The following FOXN3 variants were observed in gnomAD, a reference collection of about 807,000 sequenced individuals.
FOXN3 encodes the protein forkhead box protein N3.
A neutral mutation model predicts 38.4 loss-of-function variants in FOXN3; 7 were observed. The ratio of observed to expected loss-of-function variants is 0.18; its 90% confidence interval spans 0.10 to 0.34. The LOEUF (loss-of-function observed/expected upper bound fraction) is 0.34. Among genes scored for constraint, FOXN3 ranks in the 10% least tolerant of loss-of-function variants. The probability of loss-of-function intolerance (pLI) is 1.00; values close to 1 mark genes in which losing one functional copy is unlikely to be tolerated. For missense variants in FOXN3, 456 were observed against 613.4 expected, an observed-to-expected ratio of 0.74 and a Z score of 2.71; for synonymous variants, 230 against 242.2, an observed-to-expected ratio of 0.95 and a Z score of 0.47.
At chr14:89,544,163 T>A (rs1025512177) in intron 1 of FOXN3, among the ~76,000 whole-genome samples, 1 of 151,988 alleles carries the variant, frequency 6.6e-6, no homozygotes, top group African/African-American at 2.4e-5. Context: ...TGCCTCAGCA[T>A]CCCAAGTAGC....
chr14:89,475,620 A>G (rs58821463), intron 1 of FOXN3, among the ~76,000 whole-genome samples: 3,040 of 152,294 alleles, frequency 0.02, 95 homozygotes, highest in African/African-American at 0.069. Context: ...GCACCACAGC[A>G]CTCCAGCCTG....
intron 3 of FOXN3, among the ~76,000 whole-genome samples, chr14:89,303,683 CTG>C (rs1301790259): frequency 2.6e-5 from 4 of 152,150 alleles, no homozygotes; most frequent in African/African-American, 9.7e-5. Flanking sequence ...CCGTTTCCTG[CTG>C]TCTCTTGAGT....
chr14:89,524,502 G>C (rs928697593), intron 1 of FOXN3, among the ~76,000 whole-genome samples: 4 of 122,936 alleles, frequency 3.3e-5, no homozygotes, highest in African/African-American at 1.1e-4. Flanking sequence ...AACAAAATTA[G>C]GGAAAAAAAT....
intron 2 of FOXN3, among the ~76,000 whole-genome samples, chr14:89,393,622 C>T (rs1039852818): frequency 6.6e-6 from 1 of 152,188 alleles, no homozygotes; most frequent in Non-Finnish European, 1.5e-5. Flanking sequence ...CCAGGGTATA[C>T]AAATGGCACA....
At chr14:89,214,453 A>G (rs538261687) in intron 4 of FOXN3, among the ~76,000 whole-genome samples, 16 of 152,338 alleles carry the variant, frequency 1.1e-4, no homozygotes, top group Admixed American at 8.5e-4. Flanking sequence ...CCGACAACTT[A>G]ACAGCAAACA....
chr14:89,461,038 AG>A (rs1329460625), intron 1 of FOXN3, among the ~76,000 whole-genome samples: 2,984 of 88,732 alleles, frequency 0.034, 30 homozygotes, highest in Middle Eastern at 0.078. Flanking sequence ...TAAAAAAAAA[AG>A]GGGGGGGGAG....
chr14:89,383,853 G>A (rs995837578), intron 2 of FOXN3, among the ~76,000 whole-genome samples: 31 of 151,120 alleles, frequency 2.1e-4, no homozygotes, highest in Middle Eastern at 3.4e-3. Context: ...GCAATGGTGC[G>A]ATCTCAGCTG....
At position 89,611,598 on chromosome 14, in the gene FOXN3, A is replaced by T. The variant is rs538527899; in HGVS notation, c.-15+7430T>A. Reference sequence around the variant, plus strand: ...AAGGCGGGCGGATCACAAGGTCAGGAGATCGAGACCATCCTGGTTAACACG... The same window carrying T: ...AAGGCGGGCGGATCACAAGGTCAGGTGATCGAGACCATCCTGGTTAACACG... On this transcript the variant is annotated intron_variant, in intron 1 of 6. Transcript: ENST00000345097. 1.2e-3 allele frequency among the ~76,000 whole-genome samples: 187 copies of T among 152,252 alleles called. 1 individual carries two copies. Among genetic ancestry groups the T allele is most frequent in the African/African-American group, 4.4e-3 (182 of 41,534 alleles).
At chr14:89,477,193 A>G (rs1430140733) in intron 1 of FOXN3, among the ~76,000 whole-genome samples, 1 of 151,964 alleles carries the variant, frequency 6.6e-6, no homozygotes, top group East Asian at 1.9e-4. Context: ...CCCTTAGACT[A>G]AGCCCAAGCA....
At chr14:89,464,789 C>T (rs778552798) in intron 1 of FOXN3, among the ~76,000 whole-genome samples, 151 of 152,250 alleles carry the variant, frequency 9.9e-4, no homozygotes, top group Non-Finnish European at 1.0e-3. Context: ...CCTCCACCTC[C>T]GGGGCTCAAG....
chr14:89,350,679 A>G lies in FOXN3; in HGVS notation c.673T>C (p.Tyr225His). ...FNTPPTCPQAYQSTSGPPIWP... is the reference protein window; with the variant it reads ...FNTPPTCPQAHQSTSGPPIWP... ...GAAGTCTGAATTGCTTACCTTTGAT[A>G]TGCCTGAGGACAGGTGGGAGGTGTA... The change falls in exon 3 of 6, where the codon TAT becomes CAT. Residue 225 changes from tyrosine to histidine, a missense_variant. This residue lies in a region of FOXN3 where 386 missense variants were observed against 505.2 expected (regional missense o/e 0.76). Transcript: ENST00000557258. 1 of 1,534,810 alleles carries G rather than the reference A, an allele frequency of 6.5e-7. No homozygotes were observed. The highest frequency in any genetic ancestry group is 2.5e-5 in the East Asian group (1 of 40,272).
intron 4 of FOXN3, among the ~76,000 whole-genome samples, chr14:89,188,482 T>C (rs1277014700): frequency 6.6e-6 from 1 of 152,226 alleles, no homozygotes; most frequent in Admixed American, 6.5e-5. Context: ...CACCAGACTC[T>C]TCTCCAAAAT....
chr14:89,337,041 C>A (rs1888481586), intron 3 of FOXN3, among the ~76,000 whole-genome samples: 1 of 152,080 alleles, frequency 6.6e-6, no homozygotes, highest in Admixed American at 6.5e-5. Context: ...TTCTCAAGAA[C>A]AATCCATTAA....
At chr14:89,459,606 C>T (rs968644333) in intron 1 of FOXN3, among the ~76,000 whole-genome samples, 4 of 152,194 alleles carry the variant, frequency 2.6e-5, no homozygotes, top group Non-Finnish European at 5.9e-5. Flanking sequence ...GTGGAACTCA[C>T]TTCTTGTTCA....
chr14:89,377,020 C>CA lies in FOXN3; in HGVS notation c.544-26213dup, dbSNP rs59105357. ...TGAGCAAAAGATCAAGACTCTGTCT[C>CA]AAAAAAAAAAAAAAAAAAAAAAAAA... On this transcript the variant is annotated intron_variant, in intron 2 of 5. Transcript: ENST00000557258. 2.0e-3 allele frequency among the ~76,000 whole-genome samples: 84 copies of CA among 42,770 alleles called. 10 individuals are homozygous for CA. Among genetic ancestry groups the CA allele is most frequent in the East Asian group, 5.2e-3 (9 of 1,740 alleles). The allele number at this position is 42,770 out of a possible 152,430, so 28.1% of individuals were successfully genotyped here. A position where few individuals can be genotyped will look rare whatever the true frequency, so the allele number is the denominator to read the frequency against.
upstream of FOXN3, among the ~76,000 whole-genome samples, chr14:89,421,306 C>A (rs57027035): frequency 2.0e-5 from 3 of 152,026 alleles, no homozygotes; most frequent in East Asian, 5.8e-4. Flanking sequence ...TGCACCACCA[C>A]ACCTGGCTAA....
chr14:89,520,226 CT>C (rs1894292493), intron 1 of FOXN3, among the ~76,000 whole-genome samples: 1 of 151,170 alleles, frequency 6.6e-6, no homozygotes, highest in African/African-American at 2.4e-5. Context: ...GTTGTCCAGA[CT>C]GAGTTTTTCT....
chr14:89,618,843 G>A (rs550165748), intron 1 of FOXN3, among the ~76,000 whole-genome samples: 1 of 151,402 alleles, frequency 6.6e-6, no homozygotes, highest in African/African-American at 2.4e-5. Flanking sequence ...GCCATGGCTG[G>A]ATCTTTCCCA....
Position 89,412,197 on chromosome 14 carries a change from T to C in FOXN3, c.280A>G (p.Thr94Ala). 6.2e-7 allele frequency: 1 copy of C among 1,611,546 alleles called. No individual in the cohort carries two copies. Among genetic ancestry groups the C allele is most frequent in the Non-Finnish European group, 8.5e-7 (1 of 1,178,996 alleles). The change falls in exon 2 of 6, where the codon ACC becomes GCC. Residue 94 changes from threonine (T) to alanine (A), a missense_variant. Thr to Ala is a moderately conservative substitution (Grantham distance 58). Transcript: ENST00000557258. This position sits in a 1 kb window ranked among gnomAD's most constrained non-coding sequence, Gnocchi z 4.7. Reference sequence around the variant, plus strand: ...TCAGAGTGGGCAGGGGATGGGGGGGTGTCATCGTCCAGGTCCTGGACGGGG... The same window carrying C: ...TCAGAGTGGGCAGGGGATGGGGGGGCGTCATCGTCCAGGTCCTGGACGGGG... The part of the protein sequence containing the change: ...VSPVQDLDDD[T>A]PPSPAHSDMP...
Sources: gnomAD v4.1 joint callset for allele counts (sites outside exome capture counted in the v4.1 genomes callset) on GRCh38, gnomAD v4.1.1 for gene constraint, gnomAD v4.1.1 regional missense constraint, Gnocchi (gnomAD v3.1) non-coding constraint, MANE v1.5 for transcripts, NCBI Gene and HGNC (gene_info 2026-07-23, HGNC 2026-07-21) for gene names.